The following CYB5R3 variants were observed in gnomAD, a reference collection of about 807,000 sequenced individuals.
CYB5R3 encodes the protein NADH-cytochrome b5 reductase 3.
In CYB5R3, 28 loss-of-function variants were observed where a neutral mutation model predicts 36.5. That is an observed-to-expected ratio of 0.77 (90% CI 0.57 to 1.05). The LOEUF (loss-of-function observed/expected upper bound fraction) is 1.05. CYB5R3 is among the 50% of genes least tolerant of loss of function. The probability of loss-of-function intolerance (pLI) is 0.00; values close to 1 mark genes in which losing one functional copy is unlikely to be tolerated. For synonymous variants in CYB5R3, 181 were observed against 159.8 expected, an observed-to-expected ratio of 1.13 and a Z score of -1.00; for missense variants, 474 against 408.9, an observed-to-expected ratio of 1.16 and a Z score of -1.37.
At chr22:42,638,027 C>T (rs1928990263) in intron 1 of CYB5R3, among the ~76,000 whole-genome samples, 1 of 152,140 alleles carries the variant, frequency 6.6e-6, no homozygotes, top group Non-Finnish European at 1.5e-5. Context: ...GGCAGGTGAA[C>T]AGTTTGAGTC....
chr22:42,649,250 G>T, intron 1 of CYB5R3, 45 bp downstream of exon 1: 3 of 730,986 alleles, frequency 4.1e-6, no homozygotes, highest in African/African-American at 1.9e-5. Context: ...CCGGGTCCCA[G>T]TCCCTCGCGA....
chr22:42,644,864 C>A (rs558747596), intron 1 of CYB5R3, among the ~76,000 whole-genome samples: 1 of 152,172 alleles, frequency 6.6e-6, no homozygotes, highest in African/African-American at 2.4e-5. Flanking sequence ...AAGGCCCCTC[C>A]GCGGGCAGCT....
intron 1 of CYB5R3, chr22:42,640,266 T>C: frequency 6.4e-7 from 1 of 1,560,924 alleles, no homozygotes; most frequent in Non-Finnish European, 8.6e-7. Flanking sequence ...TACGGACAAA[T>C]GGAGCCATGG....
chr22:42,643,783 G>C (rs1601950701), intron 1 of CYB5R3, among the ~76,000 whole-genome samples: 1 of 152,168 alleles, frequency 6.6e-6, no homozygotes, highest in African/African-American at 2.4e-5. Flanking sequence ...AGAGACCAGG[G>C]TTTGAGTCCC....
chr22:42,623,549 A>T (rs547601202), intron 8 of CYB5R3, among the ~76,000 whole-genome samples: 2 of 152,158 alleles, frequency 1.3e-5, no homozygotes, highest in African/African-American at 4.8e-5. Context: ...CGCCCGGGAA[A>T]GGACTCTGCC....
At chr22:42,631,603 G>C in intron 2 of CYB5R3, 153 bp from the exon 3 acceptor site, 1 of 712,912 alleles carries the variant, frequency 1.4e-6, no homozygotes, top group Non-Finnish European at 2.5e-6. Flanking sequence ...CCGACGCCAA[G>C]CACAGATGCA....
At chr22:42,628,074 G>T in intron 5 of CYB5R3, 78 bp downstream of exon 5, 1 of 1,590,840 alleles carries the variant, frequency 6.3e-7, no homozygotes. Context: ...CCAGGGGCCT[G>T]CACCCTGCAC....
intron 1 of CYB5R3, among the ~76,000 whole-genome samples, chr22:42,639,268 G>A (rs1210984852): frequency 1.0e-4 from 15 of 150,622 alleles, no homozygotes; most frequent in African/African-American, 3.4e-4. Flanking sequence ...AGGTAGCAGT[G>A]AGCTGAGATC....
chr22:42,628,332 G>A lies in CYB5R3; in HGVS notation c.334-51C>T, dbSNP rs8190444. The A allele has an allele frequency of 1.6e-5, 26 of 1,608,932 alleles. 1 individual carries two copies. In the East Asian group the frequency reaches 2.2e-4, roughly 14 times the overall value. Reference sequence around the variant, plus strand: ...GTCCCCAGCTCCAGGTCTCAGGGGCGAGCTCTTGCCCACAGTGGGAGACAA... The same window carrying A: ...GTCCCCAGCTCCAGGTCTCAGGGGCAAGCTCTTGCCCACAGTGGGAGACAA... On this transcript the variant is annotated intron_variant, in intron 4 of 8. Coordinates refer to ENST00000352397, the MANE Select transcript of CYB5R3 (RefSeq NM_000398.7).
At position 42,619,800 on chromosome 22, in the gene CYB5R3, G is replaced by T. The variant is rs144568303; in HGVS notation, c.879C>A (p.His293Gln). 1 of 1,595,016 alleles carries T rather than the reference G, an allele frequency of 6.3e-7. No individual in the cohort carries two copies. Among genetic ancestry groups the T allele is most frequent in the African/African-American group, 1.3e-5 (1 of 74,918 alleles). ...AGAAGACGAAGCAGCGCTCCGTGGG[G>T]TGGCCCACGTGGTCCAGGTTGGGAA... Reference protein sequence around the residue: ...ACLPNLDHVGHPTERCFVF With the variant: ...ACLPNLDHVGQPTERCFVF The change falls in exon 9 of 9, where the codon CAC becomes CAA. Residue 293 changes from histidine to glutamine, a missense_variant. Coordinates refer to ENST00000352397, the MANE Select transcript of CYB5R3 (RefSeq NM_000398.7).
In CYB5R3 at chr22:42,618,925, A is replaced by C. The variant is rs1487656548; in HGVS notation, c.*848T>G. The stretch of plus-strand genomic sequence containing the variant: ...TCTAAAGGCAACGTCGAGGTCACTG[A>C]TATGTCCCTCAGACAAGAGGCACTG... On this transcript the variant is annotated 3_prime_UTR_variant, in exon 9 of 9. Transcript: ENST00000352397. 1 of 152,254 alleles carries C rather than the reference A, an allele frequency of 6.6e-6. No homozygotes were observed. The highest frequency in any genetic ancestry group is 2.4e-5 in the African/African-American group (1 of 41,430). 9.4% of individuals were successfully genotyped at this position (152,254 alleles called of 1,614,324 possible).
intron 7 of CYB5R3, among the ~76,000 whole-genome samples, chr22:42,624,274 G>A (rs1207143672): frequency 1.3e-5 from 2 of 152,230 alleles, no homozygotes; most frequent in African/African-American, 4.8e-5. Context: ...GGGAGCGGGT[G>A]TAACACATAC....
Position 42,636,175 on chromosome 22 carries a change from C to T in CYB5R3, c.153+540G>A, listed in dbSNP as rs186230705. Among the ~76,000 whole-genome samples the T allele has an allele frequency of 4.8e-3, 737 of 152,106 alleles. 9 individuals carry two copies. The highest frequency in any genetic ancestry group is 0.017 in the African/African-American group (694 of 41,458). On this transcript the variant is annotated intron_variant, in intron 2 of 8. Transcript: ENST00000352397. ...GAGGTTGCAGTGAGCGGAGATCGCA[C>T]CACTGCACTCCAGCCTGGGACACAG...
At chr22:42,633,237 T>G (rs568085078) in intron 2 of CYB5R3, 6 of 152,354 alleles carry the variant, frequency 3.9e-5, no homozygotes, top group Non-Finnish European at 7.3e-5. Context: ...GATGAAATAC[T>G]AAAAGGATCC....
intron 1 of CYB5R3, among the ~76,000 whole-genome samples, chr22:42,641,593 C>T (rs1182368201): frequency 6.6e-6 from 1 of 152,198 alleles, no homozygotes; most frequent in East Asian, 1.9e-4. Flanking sequence ...TCAATCGATT[C>T]TCCTGCCTCA....
chr22:42,647,542 G>A (rs965371670), intron 1 of CYB5R3, among the ~76,000 whole-genome samples: 2 of 58,882 alleles, frequency 3.4e-5, no homozygotes, highest in African/African-American at 1.2e-4. Flanking sequence ...GAGGTCAGGA[G>A]TTCGGGACCA....
At chr22:42,622,781 C>A (rs913854468) in intron 8 of CYB5R3, among the ~76,000 whole-genome samples, 2 of 152,242 alleles carry the variant, frequency 1.3e-5, no homozygotes, top group African/African-American at 4.8e-5. Flanking sequence ...GTGCGCCCCC[C>A]ACCATGGATT....
intron 2 of CYB5R3, 46 bp downstream of exon 2, chr22:42,636,669 G>A (rs1204506734): frequency 3.7e-6 from 6 of 1,601,228 alleles, no homozygotes; most frequent in East Asian, 2.2e-5. Flanking sequence ...TAGGTGCTGG[G>A]CAATGCTGTG....
At chr22:42,630,804 T>C (rs753888184) in intron 4 of CYB5R3, 78 bp downstream of exon 4, 1 of 1,278,340 alleles carries the variant, frequency 7.8e-7, no homozygotes, top group African/African-American at 1.5e-5. Flanking sequence ...GAGACTTCCC[T>C]GTCCAGGGGG....
Sources: allele counts gnomAD v4.1 joint callset (sites outside exome capture counted in the v4.1 genomes callset), GRCh38; gene constraint gnomAD v4.1.1; transcripts MANE v1.5; gene names NCBI Gene and HGNC (gene_info 2026-07-23, HGNC 2026-07-21).